ZNF780A: variants seen among roughly 807,000 people sequenced by gnomAD.
The protein encoded by ZNF780A is zinc finger protein 780A.
Under a neutral mutation model 56.7 loss-of-function variants are expected in ZNF780A, and 40 were observed. The ratio of observed to expected loss-of-function variants is 0.71; its 90% CI spans 0.55 to 0.92. ZNF780A has a LOEUF of 0.92. Ranked by LOEUF, ZNF780A falls within the 40% of genes least tolerant of loss-of-function variation. ZNF780A has a pLI of 0.00. For synonymous variants in ZNF780A, 231 were observed against 248.3 expected, an observed-to-expected ratio of 0.93 and a Z score of 0.66; for missense variants, 672 against 783.3, an observed-to-expected ratio of 0.86 and a Z score of 1.70.
At chr19:40,079,690 T>C (rs1974361787) in intron 5 of ZNF780A, among the ~76,000 whole-genome samples, 1 of 152,092 alleles carries the variant, frequency 6.6e-6, no homozygotes, top group South Asian at 2.1e-4. Flanking sequence ...CTTTGGAAAC[T>C]GTACAACACA....
At chr19:40,089,617 TAC>T (rs5828058) in intron 2 of ZNF780A, among the ~76,000 whole-genome samples, 1,984 of 146,762 alleles carry the variant, frequency 0.014, 15 homozygotes, top group South Asian at 0.03. Flanking sequence ...CCTCTCACAG[TAC>T]ACACACACAC....
intron 2 of ZNF780A, chr19:40,085,025 C>T (rs1054622135): frequency 1.5e-5 from 10 of 677,472 alleles, no homozygotes; most frequent in Middle Eastern, 7.3e-4. Flanking sequence ...AGGGAACCTG[C>T]GGCAGAAGCA....
At chr19:40,079,054 G>A (rs1443313437) in intron 5 of ZNF780A, among the ~76,000 whole-genome samples, 3 of 152,078 alleles carry the variant, frequency 2.0e-5, no homozygotes, top group Non-Finnish European at 4.4e-5. Flanking sequence ...AGATGGAATG[G>A]ATTTTTTAAA....
At chr19:40,071,067 A>G (rs1362254741), downstream of ZNF780A, 1 of 152,200 alleles carries the variant, frequency 6.6e-6, no homozygotes, top group Non-Finnish European at 1.5e-5. Context: ...TTAGAAAATT[A>G]TAACTTTACC....
rs1029304808 is a variant in ZNF780A at position 40,073,656 on chromosome 19, A to G, written c.*860T>C. ...CTCTAAGGTATTTAGTGTGGCTATA[A>G]AACGCCCCACATTCCTTACACTCAA... On this transcript the variant is annotated 3_prime_UTR_variant, in exon 6 of 6. Transcript: ENST00000683561. 1 of 985,916 alleles carries G rather than the reference A, an allele frequency of 1.0e-6. No individual in the cohort carries two copies. The highest frequency in any genetic ancestry group is 1.2e-6 in the Non-Finnish European group (1 of 830,422). 61.1% of individuals were successfully genotyped at this position (985,916 alleles called of 1,614,324 possible).
downstream of ZNF780A, chr19:40,070,224 AAT>A (rs1421963871): frequency 6.6e-6 from 1 of 152,220 alleles, no homozygotes; most frequent in Non-Finnish European, 1.5e-5. Context: ...TTAGATATAT[AAT>A]AGACAACAGA....
Position 40,075,350 on chromosome 19 carries a change from C to T in ZNF780A, c.1092G>A (p.Arg364=). ...IHTGEKPFEC[R]ECGKAFSLLN... ...GAAGACTAAAGGCCTTCCCACATTC[C>T]CTGCATTCAAAGGGTTTCTCACCAG... Residue 364 remains arginine, a synonymous_variant, in exon 6 of 6, where the codon AGG becomes AGA. Transcript: ENST00000683561. 1 of 1,613,596 alleles carries T rather than the reference C, an allele frequency of 6.2e-7. No individual in the cohort carries two copies. Among genetic ancestry groups the T allele is most frequent in the Non-Finnish European group, 8.5e-7 (1 of 1,179,920 alleles).
chr19:40,084,712 T>A, intron 3 of ZNF780A, 33 bp downstream of exon 3: 1 of 1,546,096 alleles, frequency 6.5e-7, no homozygotes, highest in African/African-American at 1.4e-5. Flanking sequence ...AAAGTCACCA[T>A]ATTTCAAGGA....
downstream of ZNF780A, chr19:40,070,964 A>T (rs528151976): frequency 6.6e-6 from 1 of 152,288 alleles, no homozygotes; most frequent in South Asian, 2.1e-4. Flanking sequence ...GTGGAAATAA[A>T]AAATAGGAAC....
At chr19:40,072,572 C>T (rs539653259), downstream of ZNF780A, 4 of 257,648 alleles carry the variant, frequency 1.6e-5, no homozygotes, top group East Asian at 2.4e-4. Flanking sequence ...CCCAGGCATT[C>T]GAGCCGGCAA....
rs1027964424 is a variant in ZNF780A, at chr19:40,090,932, C to T, written c.-142G>A. 1.3e-5 allele frequency: 2 copies of T among 152,340 alleles called. No individual in the cohort carries two copies. The highest frequency in any genetic ancestry group is 2.9e-5 in the Non-Finnish European group (2 of 68,176). The allele number at this position is 152,340 out of a possible 1,614,324, so 9.4% of individuals were successfully genotyped here. A position where few individuals can be genotyped will look rare whatever the true frequency, so the allele number is the denominator to read the frequency against. ...CCGCTATGTCGTCGACCCCGGAGAC[C>T]GGAAGTGGACTGGCGCGGTGGCCGC... On this transcript the variant is annotated 5_prime_UTR_variant, in exon 1 of 6. Coordinates refer to ENST00000683561, the MANE Select transcript of ZNF780A (RefSeq NM_001142578.2).
Position 40,081,821 on chromosome 19 carries a change from G to C in ZNF780A, c.230C>G (p.Pro77Arg). ...VVRKETSRRY[P>R]DLELKYGPEK... ...CCGCCTGCTTTACCCTCACTTACCT[G>C]GATACCGTCTGCTTGTTTCTTTCCT... Residue 77 changes from proline to arginine, a missense_variant and splice_region_variant, in exon 5 of 6, where the codon CCA becomes CGA. By Grantham distance (103) the Pro-to-Arg change is moderately radical. Coordinates refer to ENST00000683561, the MANE Select transcript of ZNF780A (RefSeq NM_001142578.2). The C allele has an allele frequency of 3.7e-6, 6 of 1,611,448 alleles. No individual in the cohort carries two copies. Among genetic ancestry groups the C allele is most frequent in the Non-Finnish European group, 5.1e-6 (6 of 1,178,244 alleles).
intron 2 of ZNF780A, among the ~76,000 whole-genome samples, chr19:40,089,617 TACACACAC>T (rs5828058): frequency 3.3e-4 from 49 of 148,014 alleles, no homozygotes; most frequent in Middle Eastern, 7.0e-3. Flanking sequence ...CCTCTCACAG[TACACACAC>T]ACACACACAC....
At chr19:40,073,024 C>A, downstream of ZNF780A, 4 of 1,510,770 alleles carry the variant, frequency 2.6e-6, no homozygotes, top group South Asian at 2.6e-5. Context: ...CTTTCCTTAA[C>A]GGTAATTATG....
intron 5 of ZNF780A, among the ~76,000 whole-genome samples, chr19:40,076,643 C>T (rs536857705): frequency 3.4e-4 from 52 of 152,330 alleles, no homozygotes; most frequent in South Asian, 4.1e-4. Context: ...TGCCAGGGGC[C>T]TGGGGATCAC....
At chr19:40,070,914 A>T (rs530973783), downstream of ZNF780A, 1 of 152,144 alleles carries the variant, frequency 6.6e-6, no homozygotes, top group Non-Finnish European at 1.5e-5. Flanking sequence ...GTTGAGTTCA[A>T]AAAAGAAAGT....
At chr19:40,069,664 A>G (rs1305792209), downstream of ZNF780A, 1 of 152,160 alleles carries the variant, frequency 6.6e-6, no homozygotes, top group East Asian at 1.9e-4. Context: ...TGTAATTATC[A>G]TACATCTAGT....
intron 5 of ZNF780A, among the ~76,000 whole-genome samples, chr19:40,078,990 A>G (rs938403714): frequency 6.6e-6 from 1 of 152,230 alleles, no homozygotes; most frequent in African/African-American, 2.4e-5. Flanking sequence ...AAGCCCTCAC[A>G]TATCAGTAAT....
At chr19:40,084,657 C>CTA in intron 3 of ZNF780A, 88 bp downstream of exon 3, 1 of 1,359,382 alleles carries the variant, frequency 7.4e-7, no homozygotes, top group South Asian at 1.4e-5. Flanking sequence ...ATCGTGAATT[C>CTA]TAGGTACGAA....
Sources: gnomAD v4.1 joint callset for allele counts (sites outside exome capture counted in the v4.1 genomes callset) on GRCh38, gnomAD v4.1.1 for gene constraint, MANE v1.5 for transcripts, NCBI Gene and HGNC (gene_info 2026-07-23, HGNC 2026-07-21) for gene names.